Variants in TTC28 observed in about 807,000 individuals in gnomAD.
The protein encoded by TTC28 is tetratricopeptide repeat protein 28.
In TTC28, 61 loss-of-function variants were observed where a neutral mutation model predicts 198.0. That is an observed-to-expected ratio of 0.31 (90% confidence interval 0.25 to 0.38). The LOEUF (loss-of-function observed/expected upper bound fraction) is 0.38. TTC28 is among the 10% of genes least tolerant of loss of function. The pLI is 1.00. For missense variants in TTC28, 2,678 were observed against 3,164.0 expected (o/e 0.85, Z 3.69); for synonymous variants, 1,171 against 1,297.8 (o/e 0.90, Z 2.10).
At chr22:28,416,018 GA>G (rs1400489908) in intron 2 of TTC28, among the ~76,000 whole-genome samples, 1 of 152,188 alleles carries the variant, frequency 6.6e-6, no homozygotes, top group Non-Finnish European at 1.5e-5. Flanking sequence ...CCTAGAGTAA[GA>G]AAGCTTAAAG....
At chr22:28,645,432 T>G (rs1003567488) in intron 1 of TTC28, among the ~76,000 whole-genome samples, 4 of 151,578 alleles carry the variant, frequency 2.6e-5, no homozygotes, top group Non-Finnish European at 4.4e-5. Flanking sequence ...ATCAAGACCA[T>G]CCTGGCCAAC....
Position 27,989,863 on chromosome 22 carries a change from G to C in TTC28, c.5707+15C>G. ...GAATTCAAGAACCCATTTAAGTCAA[G>C]GATTCTCTGCCTACCTAGAGCTGCC... On this transcript the variant is annotated intron_variant, in intron 21 of 22. Coordinates refer to ENST00000397906, the MANE Select transcript of TTC28 (RefSeq NM_001145418.2). The C allele has an allele frequency of 6.5e-7, 1 of 1,544,528 alleles. No homozygotes were observed. The highest frequency in any genetic ancestry group is 2.5e-5 in the East Asian group (1 of 40,724).
chr22:28,290,209 C>A (rs138820847), intron 5 of TTC28, among the ~76,000 whole-genome samples: 250 of 152,146 alleles, frequency 1.6e-3, no homozygotes, highest in Non-Finnish European at 3.0e-3. Flanking sequence ...TTAATTTTTG[C>A]TTCAAAAGGC....
chr22:28,526,182 A>G (rs1354734714), intron 2 of TTC28, among the ~76,000 whole-genome samples: 3 of 152,240 alleles, frequency 2.0e-5, no homozygotes, highest in Non-Finnish European at 4.4e-5. Flanking sequence ...TCTCATCTAT[A>G]AAACTACTAA....
chr22:28,663,090 T>C (rs1208764042), intron 1 of TTC28, among the ~76,000 whole-genome samples: 1 of 151,698 alleles, frequency 6.6e-6, no homozygotes, highest in Non-Finnish European at 1.5e-5. Flanking sequence ...GTACTAAAAA[T>C]ACAATAAATT....
chr22:28,328,628 C>T (rs934351220), intron 2 of TTC28, among the ~76,000 whole-genome samples: 4 of 151,462 alleles, frequency 2.6e-5, no homozygotes, highest in Admixed American at 2.6e-4. Flanking sequence ...GTAGCAGGCA[C>T]CTGTAATCCC....
In TTC28 at chr22:28,005,862, ACCT is replaced by A. The variant is rs1416199551; in HGVS notation, c.4219-4312_4219-4310del. On this transcript the variant is annotated intron_variant, in intron 14 of 22. Transcript: ENST00000397906. The surrounding 1 kb of genome is among the most constrained non-coding windows in gnomAD (Gnocchi z 4.9). ...CTCTGTGTCCTGTGGGCTGAATCAC[ACCT>A]CCTCCCATGTTCATTCTTTACTAGG... is the stretch of plus-strand genomic sequence containing the variant. Among the ~76,000 whole-genome samples the A allele has an allele frequency of 6.6e-6, 1 of 151,688 alleles. No individual in the cohort carries two copies. The highest frequency in any genetic ancestry group is 2.4e-5 in the African/African-American group (1 of 41,218).
intron 2 of TTC28, among the ~76,000 whole-genome samples, chr22:28,511,022 G>C (rs551031933): frequency 2.6e-4 from 40 of 152,146 alleles, no homozygotes; most frequent in African/African-American, 9.6e-4. Context: ...CAAAAAAATG[G>C]GAAAACATTT....
chr22:28,389,070 A>G (rs953428471), intron 2 of TTC28, among the ~76,000 whole-genome samples: 1 of 152,062 alleles, frequency 6.6e-6, no homozygotes, highest in Admixed American at 6.6e-5. Flanking sequence ...GAATTTTGTC[A>G]AAGGCCTTTT....
intron 11 of TTC28, among the ~76,000 whole-genome samples, chr22:28,095,273 A>C (rs1042328427): frequency 2.0e-5 from 3 of 152,232 alleles, no homozygotes; most frequent in African/African-American, 4.8e-5. Context: ...CATGGAACTA[A>C]AGGGAAAAAA....
intron 2 of TTC28, among the ~76,000 whole-genome samples, chr22:28,531,211 A>C (rs2049131459): frequency 6.6e-6 from 1 of 152,218 alleles, no homozygotes; most frequent in African/African-American, 2.4e-5. Flanking sequence ...GGAATGGAGG[A>C]AGATCTACCA....
intron 6 of TTC28, among the ~76,000 whole-genome samples, chr22:28,119,420 A>G (rs1458418381): frequency 6.6e-6 from 1 of 152,378 alleles, no homozygotes; most frequent in Non-Finnish European, 1.5e-5. Flanking sequence ...CTAAGTAAGT[A>G]TCAAAGGGAA....
intron 2 of TTC28, among the ~76,000 whole-genome samples, chr22:28,459,481 A>T (rs950325903): frequency 1.4e-4 from 21 of 152,196 alleles, no homozygotes; most frequent in African/African-American, 4.8e-4. Flanking sequence ...GAAGGTGCAT[A>T]GAAGCAGGCA....
At chr22:28,088,179 C>A (rs574255714) in intron 12 of TTC28, among the ~76,000 whole-genome samples, 356 of 152,046 alleles carry the variant, frequency 2.3e-3, no homozygotes, top group Admixed American at 3.7e-3. Flanking sequence ...GTTCATATGG[C>A]ACCAAAAAAG....
intron 2 of TTC28, among the ~76,000 whole-genome samples, chr22:28,310,933 C>T (rs1385781726): frequency 6.6e-6 from 1 of 152,010 alleles, no homozygotes; most frequent in Non-Finnish European, 1.5e-5. Context: ...GTGCGCACCA[C>T]CACTCCCAGC....
intron 12 of TTC28, among the ~76,000 whole-genome samples, chr22:28,089,335 T>A (rs1189564624): frequency 6.6e-6 from 1 of 152,018 alleles, no homozygotes; most frequent in Non-Finnish European, 1.5e-5. Flanking sequence ...TATGCAGCCA[T>A]AAAAAATGAT....
intron 6 of TTC28, among the ~76,000 whole-genome samples, chr22:28,118,868 A>G (rs1008150270): frequency 6.6e-6 from 1 of 152,196 alleles, no homozygotes; most frequent in Non-Finnish European, 1.5e-5. Flanking sequence ...TTCTATTTCT[A>G]TTATATCATC....
intron 2 of TTC28, among the ~76,000 whole-genome samples, chr22:28,541,970 T>G (rs1236682679): frequency 6.6e-6 from 1 of 152,024 alleles, no homozygotes; most frequent in East Asian, 1.9e-4. Flanking sequence ...ACACCTGTGG[T>G]CCTAACTACT....
intron 5 of TTC28, among the ~76,000 whole-genome samples, chr22:28,189,121 G>A (rs867595752): frequency 1.3e-5 from 2 of 152,140 alleles, no homozygotes; most frequent in Admixed American, 6.5e-5. Flanking sequence ...GCTGAGGTGG[G>A]AGGATCACTT....
Sources: allele counts gnomAD v4.1 joint callset (sites outside exome capture counted in the v4.1 genomes callset), GRCh38; gene constraint gnomAD v4.1.1; non-coding constraint Gnocchi (gnomAD v3.1); transcripts MANE v1.5; gene names NCBI Gene and HGNC (gene_info 2026-07-23, HGNC 2026-07-21).